The following CTPS2 variants were observed in gnomAD, a reference collection of about 807,000 sequenced individuals.
CTPS2 encodes the protein CTP synthase 2.
CTPS2 carries 19 observed loss-of-function variants against 46.8 expected under a neutral mutation model. The ratio of observed to expected loss-of-function variants is 0.41; its 90% CI spans 0.28 to 0.60. The LOEUF (loss-of-function observed/expected upper bound fraction) is 0.60. CTPS2 is among the 20% of genes least tolerant of loss of function. The pLI is 0.35. For missense variants in CTPS2, 286 were observed against 447.6 expected (o/e 0.64, Z 3.26); for synonymous variants, 151 against 165.2 (o/e 0.91, Z 0.66).
chrX:16,630,980 G>A (rs1931433043), intron 14 of CTPS2, among the ~76,000 whole-genome samples: 1 of 112,532 alleles, frequency 8.9e-6, no homozygotes, highest in South Asian at 3.6e-4. Flanking sequence ...TTGAAAAAGT[G>A]TACAAAAGGC....
intron 13 of CTPS2, among the ~76,000 whole-genome samples, chrX:16,658,511 T>C (rs1160211509): frequency 1.8e-5 from 2 of 112,299 alleles, no homozygotes; most frequent in Admixed American, 9.5e-5. Context: ...TGAGTACCTA[T>C]TCATATTTCT....
chrX:16,612,629 T>C (rs1930317788), intron 16 of CTPS2, among the ~76,000 whole-genome samples: 1 of 112,408 alleles, frequency 8.9e-6, no homozygotes, highest in Admixed American at 9.5e-5. Flanking sequence ...TAATTCTAAA[T>C]GATGGGCATT....
chrX:16,694,238 C>T (rs1355260114), intron 4 of CTPS2, among the ~76,000 whole-genome samples: 1 of 111,750 alleles, frequency 8.9e-6, no homozygotes, highest in Admixed American at 9.5e-5. Flanking sequence ...AGGACCTGGC[C>T]CTTGCACTGA....
intron 13 of CTPS2, among the ~76,000 whole-genome samples, chrX:16,649,941 G>GA (rs945836671): frequency 1.7e-4 from 19 of 111,639 alleles, no homozygotes; most frequent in Non-Finnish European, 3.6e-4. Flanking sequence ...ATCTCAGGGG[G>GA]AAAAAAATCC....
chrX:16,601,931 G>A (rs1037193040), intron 17 of CTPS2, among the ~76,000 whole-genome samples: 2 of 111,222 alleles, frequency 1.8e-5, no homozygotes, highest in African/African-American at 3.3e-5. Flanking sequence ...GTTTGAACTC[G>A]GTTGACAGCT....
At chrX:16,701,746 G>A (rs1024854982) in intron 2 of CTPS2, among the ~76,000 whole-genome samples, 6 of 109,299 alleles carry the variant, frequency 5.5e-5, no homozygotes, top group African/African-American at 1.0e-4. Context: ...GACTACAGGC[G>A]CTCGCCACCG....
intron 17 of CTPS2, among the ~76,000 whole-genome samples, chrX:16,594,307 T>C (rs1175110026): frequency 9.0e-6 from 1 of 111,026 alleles, no homozygotes; most frequent in African/African-American, 3.3e-5. Flanking sequence ...TGGGCTCATA[T>C]CTTCCCCCCA....
chrX:16,669,573 CA>C (rs75916870), intron 11 of CTPS2, among the ~76,000 whole-genome samples: 23,313 of 99,549 alleles, frequency 0.23, 2,080 homozygotes, highest in Middle Eastern at 0.32. Context: ...ACAGAAACTT[CA>C]AAAAAAAAAA....
intron 13 of CTPS2, among the ~76,000 whole-genome samples, chrX:16,665,149 C>T (rs190410104): frequency 2.0e-4 from 22 of 112,248 alleles, no homozygotes; most frequent in African/African-American, 7.1e-4. Context: ...CAAATGTTCA[C>T]AAGGATATGG....
At chrX:16,664,673 G>T (rs780303527) in intron 13 of CTPS2, among the ~76,000 whole-genome samples, 12 of 111,890 alleles carry the variant, frequency 1.1e-4, no homozygotes, top group Admixed American at 3.8e-4. Context: ...GATTAAACAG[G>T]CTACAGGGGA....
At chrX:16,671,181 G>T (rs1231509899) in intron 10 of CTPS2, among the ~76,000 whole-genome samples, 1 of 111,609 alleles carries the variant, frequency 9.0e-6, no homozygotes. Context: ...AAACCCAGGA[G>T]GATCATGCTA....
intron 13 of CTPS2, among the ~76,000 whole-genome samples, chrX:16,649,095 A>C (rs1303593904): frequency 8.9e-6 from 1 of 112,402 alleles, no homozygotes; most frequent in African/African-American, 3.2e-5. Context: ...TCCAGTAGAA[A>C]TCAATCTCCT....
At chrX:16,593,036 A>G (rs1928994802) in intron 17 of CTPS2, among the ~76,000 whole-genome samples, 1 of 111,501 alleles carries the variant, frequency 9.0e-6, no homozygotes, top group African/African-American at 3.3e-5. Flanking sequence ...CTACTCCACT[A>G]GAGTTCTACT....
intron 4 of CTPS2, among the ~76,000 whole-genome samples, chrX:16,695,966 T>G: frequency 8.9e-6 from 1 of 112,182 alleles, no homozygotes; most frequent in South Asian, 3.6e-4. Flanking sequence ...TCCTCCTGCC[T>G]CAGCCTCCCA....
At chrX:16,683,935 A>AACG (rs1809873195) in intron 8 of CTPS2, among the ~76,000 whole-genome samples, 1 of 111,937 alleles carries the variant, frequency 8.9e-6, no homozygotes, top group South Asian at 3.7e-4. Flanking sequence ...GTGCTGAGAG[A>AACG]ACGATTTAAA....
intron 4 of CTPS2, 33 bp from the exon 5 acceptor site, chrX:16,693,520 A>G: frequency 1.1e-6 from 1 of 927,207 alleles, no homozygotes; most frequent in Non-Finnish European, 1.6e-6. Flanking sequence ...AAAAGACACA[A>G]ATGACCACAC....
chrX:16,597,407 C>T (rs1929351415), intron 17 of CTPS2, among the ~76,000 whole-genome samples: 1 of 112,287 alleles, frequency 8.9e-6, no homozygotes, highest in South Asian at 3.6e-4. Flanking sequence ...CAGCCTTTTA[C>T]ATATGGCTAG....
At chrX:16,705,769 C>T (rs1425221888) in intron 1 of CTPS2, among the ~76,000 whole-genome samples, 1 of 110,826 alleles carries the variant, frequency 9.0e-6, no homozygotes, top group Non-Finnish European at 1.9e-5. Flanking sequence ...TGCTTCCCAG[C>T]CTGTGGGATG....
chrX:16,604,764 C>A (rs765285247), intron 17 of CTPS2, among the ~76,000 whole-genome samples: 1 of 112,421 alleles, frequency 8.9e-6, no homozygotes, highest in African/African-American at 3.2e-5. Flanking sequence ...AAATGTATTT[C>A]TTATAATTAC....
Sources: allele counts gnomAD v4.1 joint callset (sites outside exome capture counted in the v4.1 genomes callset), GRCh38; gene constraint gnomAD v4.1.1; transcripts MANE v1.5; gene names NCBI Gene and HGNC (gene_info 2026-07-23, HGNC 2026-07-21).